Variants in PHF3 observed in about 807,000 individuals in gnomAD.
The protein encoded by PHF3 is PHD finger protein 3.
Under a neutral mutation model 178.4 loss-of-function variants are expected in PHF3, and 41 were observed. The observed-to-expected ratio is 0.23, with a 90% CI of 0.18 to 0.30. The LOEUF (loss-of-function observed/expected upper bound fraction) is 0.30, where lower values mean the gene tolerates loss of function less well. PHF3 is among the 10% of genes least tolerant of loss of function. The pLI is 1.00. For synonymous variants in PHF3, 842 were observed against 800.5 expected, an observed-to-expected ratio of 1.05 and a Z score of -0.88; for missense variants, 2,346 against 2,398.1, an observed-to-expected ratio of 0.98 and a Z score of 0.45.
chr6:63,641,319 A>G (rs1764561423), intron 1 of PHF3, among the ~76,000 whole-genome samples: 1 of 152,086 alleles, frequency 6.6e-6, no homozygotes, highest in African/African-American at 2.4e-5. Flanking sequence ...TCATACATAG[A>G]CCAATCCCCC....
intron 2 of PHF3, among the ~76,000 whole-genome samples, chr6:63,670,337 C>T (rs1319642861): frequency 2.0e-5 from 3 of 152,100 alleles, no homozygotes; most frequent in Admixed American, 6.5e-5. Context: ...GGCGCTATCT[C>T]GGCTCACTGA....
At chr6:63,711,546 T>C in intron 15 of PHF3, 40 bp from the exon 16 acceptor site, 1 of 1,509,094 alleles carries the variant, frequency 6.6e-7, no homozygotes, top group South Asian at 1.3e-5. Context: ...TTGCAATGAT[T>C]GAAAATGATG....
intron 1 of PHF3, among the ~76,000 whole-genome samples, chr6:63,645,363 G>A (rs1412439413): frequency 3.9e-5 from 6 of 152,244 alleles, no homozygotes; most frequent in South Asian, 2.1e-4. Context: ...TAAATAATGC[G>A]AGGATGTTAA....
intron 1 of PHF3, among the ~76,000 whole-genome samples, chr6:63,643,972 G>A (rs1487709778): frequency 2.6e-5 from 4 of 152,172 alleles, no homozygotes; most frequent in East Asian, 3.8e-4. Context: ...ATAGCTATGG[G>A]ATCTTGAGCT....
In PHF3 at chr6:63,685,873, C is replaced by A; in HGVS notation, c.2151C>A (p.Ser717Arg). ...SFESKYMWTPSKQCGFCKKPH... is the reference protein window; with the variant it reads ...SFESKYMWTPRKQCGFCKKPH... The stretch of plus-strand genomic sequence containing the variant: ...AAAGCAAATATATGTGGACTCCCAG[C>A]AAGCAGTGTGGGTTTTGCAAAAAAC... The change falls in exon 4 of 16, where the codon AGC becomes AGA. Residue 717 changes from serine (S) to arginine (R), a missense_variant. Ser to Arg is a moderately radical substitution (Grantham distance 110). Coordinates refer to ENST00000262043, the MANE Select transcript of PHF3 (RefSeq NM_001370348.2). 6.2e-7 allele frequency: 1 copy of A among 1,613,120 alleles called. No individual in the cohort carries two copies. Among genetic ancestry groups the A allele is most frequent in the Non-Finnish European group, 8.5e-7 (1 of 1,179,940 alleles).
At chr6:63,704,118 AT>A (rs1767593402) in intron 11 of PHF3, among the ~76,000 whole-genome samples, 1 of 152,182 alleles carries the variant, frequency 6.6e-6, no homozygotes, top group Non-Finnish European at 1.5e-5. Context: ...TCATAGCAAA[AT>A]TGGGAGGAAG....
chr6:63,687,618 C>G (rs1224987128), intron 4 of PHF3, among the ~76,000 whole-genome samples: 1 of 152,140 alleles, frequency 6.6e-6, no homozygotes, highest in African/African-American at 2.4e-5. Flanking sequence ...TAACATGAAA[C>G]TTTGGCATAG....
chr6:63,694,450 G>A (rs1476998302), intron 5 of PHF3, 131 bp from the exon 6 acceptor site: 2 of 583,108 alleles, frequency 3.4e-6, no homozygotes, highest in East Asian at 3.1e-5. Flanking sequence ...ACACAAAATA[G>A]GTGCAGAATA....
rs945898436 is a variant in PHF3 at position 63,716,628 on chromosome 6, G to A, written c.*2920G>A. Among the ~76,000 whole-genome samples the A allele has an allele frequency of 6.6e-6, 1 of 151,512 alleles. No individual in the cohort carries two copies. Among genetic ancestry groups the A allele is most frequent in the Non-Finnish European group, 1.5e-5 (1 of 67,814 alleles). On this transcript the variant is annotated 3_prime_UTR_variant, in exon 16 of 16. Coordinates refer to ENST00000262043, the MANE Select transcript of PHF3 (RefSeq NM_001370348.2). Reference sequence around the variant, plus strand: ...TGCAGATCTCACTGGGTAAGATCAAGGTGTCAGCAAGATGCATTCATTTTC... The same window carrying A: ...TGCAGATCTCACTGGGTAAGATCAAAGTGTCAGCAAGATGCATTCATTTTC...
chr6:63,646,128 T>G (rs1348616243), intron 1 of PHF3, among the ~76,000 whole-genome samples: 1 of 152,216 alleles, frequency 6.6e-6, no homozygotes, highest in Non-Finnish European at 1.5e-5. Flanking sequence ...TTATGTGGAC[T>G]TATTGTAAAA....
rs548364001 is a variant in PHF3 at position 63,663,274 on chromosome 6, T to G, written c.244+16479T>G. Among the ~76,000 whole-genome samples, 6 of 152,296 alleles carry G rather than the reference T, an allele frequency of 3.9e-5. No homozygotes were observed. In the South Asian group the frequency reaches 1.2e-3, roughly 32 times the overall value. On this transcript the variant is annotated intron_variant, in intron 2 of 15. Coordinates refer to ENST00000262043, the MANE Select transcript of PHF3 (RefSeq NM_001370348.2). The stretch of plus-strand genomic sequence containing the variant: ...GGATCTCAAGATGAGACTGGCTAAT[T>G]TATAGTGGCCCAGAAGTGTGATTAC...
intron 2 of PHF3, among the ~76,000 whole-genome samples, chr6:63,647,274 C>T (rs916496453): frequency 6.6e-6 from 1 of 152,064 alleles, no homozygotes; most frequent in Non-Finnish European, 1.5e-5. Context: ...CATTTCACCT[C>T]CTTTGGTATT....
intron 2 of PHF3, chr6:63,678,834 C>A (rs2149576554): frequency 2.2e-6 from 1 of 452,732 alleles, no homozygotes. Flanking sequence ...TTAGGATAGA[C>A]CACTATCTTG....
intron 2 of PHF3, among the ~76,000 whole-genome samples, chr6:63,658,951 A>T (rs1483892347): frequency 6.6e-6 from 1 of 152,100 alleles, no homozygotes; most frequent in African/African-American, 2.4e-5. Flanking sequence ...GGGGACCTCC[A>T]TTTTTGTCTC....
chr6:63,663,770 A>G (rs1765566245), intron 2 of PHF3, among the ~76,000 whole-genome samples: 1 of 152,180 alleles, frequency 6.6e-6, no homozygotes, highest in Non-Finnish European at 1.5e-5. Flanking sequence ...GGAGTCGCAC[A>G]GTGCCAGGGA....
rs763815909 is a variant in PHF3, at chr6:63,712,771, T to G, written c.5183T>G (p.Ile1728Arg). Residue 1728 changes from isoleucine (I) to arginine (R), a missense_variant, in exon 16 of 16, where the codon ATA becomes AGA. Physicochemically the swap from Ile to Arg is moderately conservative, Grantham distance 97. Transcript: ENST00000262043. ...CAAAACTCACCATCAGTAGAAAACA[T>G]ACAGACTTCTCAAGCAGAACAAGCA... The part of the protein sequence containing the change: ...VAQNSPSVEN[I>R]QTSQAEQAKP... 3 of 1,613,808 alleles carry G rather than the reference T, an allele frequency of 1.9e-6. No homozygotes were observed. The highest frequency in any genetic ancestry group is 1.7e-6 in the Non-Finnish European group (2 of 1,179,926).
chr6:63,671,637 A>G (rs1765921378), intron 2 of PHF3, among the ~76,000 whole-genome samples: 1 of 152,216 alleles, frequency 6.6e-6, no homozygotes, highest in Non-Finnish European at 1.5e-5. Context: ...AAGGGTACTC[A>G]AAATGTTTAG....
Position 63,721,619 on chromosome 6 carries a change from T to TA in PHF3, c.*7912dup, listed in dbSNP as rs763028732. 26 of 1,551,344 alleles carry TA rather than the reference T, an allele frequency of 1.7e-5. No individual in the cohort carries two copies. The highest frequency in any genetic ancestry group is 1.4e-5 in the African/African-American group (1 of 73,044). On this transcript the variant is annotated 3_prime_UTR_variant, in exon 16 of 16. Transcript: ENST00000262043. ...TCATTTTAGTGGAGGCCTTTTCTGT[T>TA]ACATTTATCCCATCTAGATCCAGGT... is the stretch of plus-strand genomic sequence containing the variant.
intron 3 of PHF3, among the ~76,000 whole-genome samples, chr6:63,682,297 A>G (rs1766472908): frequency 6.6e-6 from 1 of 152,090 alleles, no homozygotes; most frequent in African/African-American, 2.4e-5. Flanking sequence ...CTTTAGAATC[A>G]TCTGGGACCA....
Sources: gnomAD v4.1 joint callset for allele counts (sites outside exome capture counted in the v4.1 genomes callset) on GRCh38, gnomAD v4.1.1 for gene constraint, MANE v1.5 for transcripts, NCBI Gene and HGNC (gene_info 2026-07-23, HGNC 2026-07-21) for gene names.